The following FAM171B variants were observed in gnomAD, a reference collection of about 807,000 sequenced individuals.
FAM171B encodes family with sequence similarity 171 member B, also known as protein FAM171B.
FAM171B carries 19 observed loss-of-function variants against 75.6 expected under a neutral mutation model. That is an observed-to-expected ratio of 0.25 (90% confidence interval 0.18 to 0.37). The LOEUF (loss-of-function observed/expected upper bound fraction) is 0.37, where lower values mean the gene tolerates loss of function less well. Ranked by LOEUF, FAM171B falls within the 10% of genes least tolerant of loss-of-function variation. FAM171B has a pLI of 1.00. For synonymous variants in FAM171B, 367 were observed against 361.7 expected (o/e 1.01, Z -0.17); for missense variants, 848 against 982.4 (o/e 0.86, Z 1.83).
intron 1 of FAM171B, among the ~76,000 whole-genome samples, chr2:186,714,036 C>G (rs148409392): frequency 7.1e-4 from 108 of 152,212 alleles, no homozygotes; most frequent in African/African-American, 2.4e-3. Flanking sequence ...TTTTACAGCT[C>G]TCTTTTTCCT....
At chr2:186,702,211 C>T (rs1263644578) in intron 1 of FAM171B, among the ~76,000 whole-genome samples, 1 of 152,178 alleles carries the variant, frequency 6.6e-6, no homozygotes, top group Non-Finnish European at 1.5e-5. Flanking sequence ...CACGCCTATT[C>T]TGTATAGCAT....
intron 1 of FAM171B, among the ~76,000 whole-genome samples, chr2:186,704,797 AG>A (rs1689711725): frequency 6.6e-6 from 1 of 152,242 alleles, no homozygotes; most frequent in South Asian, 2.1e-4. Flanking sequence ...GCATCGATAA[AG>A]CTTGGCAAAT....
chr2:186,746,035 TTTCTA>T (rs1404688907), intron 3 of FAM171B, among the ~76,000 whole-genome samples: 1 of 152,224 alleles, frequency 6.6e-6, no homozygotes, highest in Non-Finnish European at 1.5e-5. Context: ...ACTGATGTCT[TTTCTA>T]TTCTAATAAT....
In FAM171B at chr2:186,694,268, C is replaced by T. The variant is rs1330711740; in HGVS notation, c.95C>T (p.Ala32Val). ...KARLVPAAAR[A>V]ELSRSDLSLI... The stretch of plus-strand genomic sequence containing the variant: ...CGGCTGGTCCCCGCGGCCGCCAGAG[C>T]GGAACTCAGCCGCTCCGACCTCAGC... The change falls in exon 1 of 8, where the codon GCG (alanine) becomes GTG (valine). Residue 32 changes from alanine to valine, a missense_variant. Ala to Val is a moderately conservative substitution (Grantham distance 64, BLOSUM62 0). Coordinates refer to ENST00000304698, the MANE Select transcript of FAM171B (RefSeq NM_177454.4). 3.1e-6 allele frequency: 5 copies of T among 1,611,564 alleles called. No individual in the cohort carries two copies. The highest frequency in any genetic ancestry group is 1.3e-5 in the African/African-American group (1 of 74,906).
rs367772055 is a variant in FAM171B at position 186,703,160 on chromosome 2, A to T, written c.238+8749A>T. Reference sequence around the variant, plus strand: ...AGTGGTGCAGTCTCAGCTCACTGCAACCTCTGCCTCCTGGGTTCAAGCGAT... The same window carrying T: ...AGTGGTGCAGTCTCAGCTCACTGCATCCTCTGCCTCCTGGGTTCAAGCGAT... On this transcript the variant is annotated intron_variant, in intron 1 of 7. Coordinates refer to ENST00000304698, the MANE Select transcript of FAM171B (RefSeq NM_177454.4). 1.8e-4 allele frequency among the ~76,000 whole-genome samples: 28 copies of T among 151,718 alleles called. No individual in the cohort carries two copies. In the East Asian group the frequency reaches 5.3e-3, roughly 28 times the overall value.
intron 3 of FAM171B, among the ~76,000 whole-genome samples, chr2:186,744,701 A>G (rs1240622628): frequency 6.6e-6 from 1 of 151,490 alleles, no homozygotes; most frequent in Non-Finnish European, 1.5e-5. Context: ...CTAGTTTTGT[A>G]TTTTTAGTAG....
intron 1 of FAM171B, among the ~76,000 whole-genome samples, chr2:186,704,859 A>AG (rs140563616): frequency 0.012 from 1,836 of 152,328 alleles, 40 homozygotes; most frequent in African/African-American, 0.042. Flanking sequence ...AAGAGAAGAG[A>AG]GAGGGAGTCA....
At chr2:186,724,688 G>C (rs1449798774) in intron 1 of FAM171B, among the ~76,000 whole-genome samples, 1 of 152,138 alleles carries the variant, frequency 6.6e-6, no homozygotes, top group African/African-American at 2.4e-5. Context: ...GAAAGTGAGG[G>C]AGTATGCCAT....
chr2:186,710,682 T>C (rs769018361), intron 1 of FAM171B, among the ~76,000 whole-genome samples: 2 of 152,192 alleles, frequency 1.3e-5, no homozygotes, highest in Non-Finnish European at 2.9e-5. Flanking sequence ...TGCTGAAACA[T>C]TGTTGTCTTT....
intron 1 of FAM171B, among the ~76,000 whole-genome samples, chr2:186,739,336 C>T (rs1284385907): frequency 1.3e-5 from 2 of 152,040 alleles, no homozygotes; most frequent in African/African-American, 4.8e-5. Context: ...AATAAGTTAA[C>T]CTTAGCTTAC....
At chr2:186,725,272 A>G (rs148020570) in intron 1 of FAM171B, among the ~76,000 whole-genome samples, 3,323 of 149,536 alleles carry the variant, frequency 0.022, 112 homozygotes, top group Admixed American at 0.078. Context: ...TTAACCCGGG[A>G]GGCGGAGCTT....
chr2:186,740,491 G>GTT, intron 2 of FAM171B, 30 bp downstream of exon 2: 1 of 1,543,338 alleles, frequency 6.5e-7, no homozygotes. Flanking sequence ...TTTTTTGTTT[G>GTT]TTTTTGCTAA....
intron 1 of FAM171B, among the ~76,000 whole-genome samples, chr2:186,696,997 TGGATGGAC>T (rs72395485): frequency 0.5 from 68,436 of 137,322 alleles, 16,227 homozygotes; most frequent in South Asian, 0.63. Context: ...ATTTGTTGAA[TGGATGGAC>T]GGATGGATGG....
chr2:186,733,837 C>A (rs1035616104), intron 1 of FAM171B, among the ~76,000 whole-genome samples: 2 of 152,142 alleles, frequency 1.3e-5, no homozygotes, highest in Admixed American at 1.3e-4. Context: ...CACCCGGGAG[C>A]TTGGAGATTC....
chr2:186,762,780 T>C lies in FAM171B; in HGVS notation c.2438T>C (p.Ile813Thr). The change falls in exon 8 of 8, where the codon ATC becomes ACC. Residue 813 changes from isoleucine to threonine, a missense_variant. Ile to Thr is a moderately conservative substitution (Grantham distance 89). Transcript: ENST00000304698. This position sits in a 1 kb window ranked among gnomAD's most constrained non-coding sequence, Gnocchi z 4.0. Reference protein sequence around the residue: ...PLAKRDSKTNIWKKREERPLI... With the variant: ...PLAKRDSKTNTWKKREERPLI... ...GCCAAAAGAGATAGCAAGACTAACA[T>C]CTGGAAGAAGCGAGAGGAACGCCCA... The C allele has an allele frequency of 6.2e-7, 1 of 1,612,986 alleles. No individual in the cohort carries two copies. Among genetic ancestry groups the C allele is most frequent in the South Asian group, 1.1e-5 (1 of 91,030 alleles).
chr2:186,754,115 C>A, intron 6 of FAM171B, 66 bp downstream of exon 6: 2 of 1,218,530 alleles, frequency 1.6e-6, no homozygotes, highest in South Asian at 1.4e-5. Flanking sequence ...CGGATAGCAG[C>A]AGACCTCAGT....
At chr2:186,732,734 C>T (rs756226485) in intron 1 of FAM171B, among the ~76,000 whole-genome samples, 79 of 152,296 alleles carry the variant, frequency 5.2e-4, no homozygotes, top group African/African-American at 7.5e-4. Context: ...CACTTGGGAG[C>T]GGCTGCATGT....
At position 186,761,485 on chromosome 2, in the gene FAM171B, G is replaced by A. The variant is rs376442063; in HGVS notation, c.1143G>A (p.Lys381=). 1.7e-5 allele frequency: 27 copies of A among 1,568,442 alleles called. No homozygotes were observed. The African/African-American group carries it at 3.7e-4, about 22-fold the overall frequency. ...GCCTTCTCTTCTACTCTAGGGACAAGTGTGGTACTCCACAGAAAAGAGAAA... is the reference window on the plus strand; with the variant it reads ...GCCTTCTCTTCTACTCTAGGGACAAATGTGGTACTCCACAGAAAAGAGAAA... The part of the protein sequence containing the change: ...FAVLLCYCRD[K]CGTPQKRERN... Residue 381 remains lysine (K), a synonymous_variant, in exon 8 of 8, where the codon AAG becomes AAA. Transcript: ENST00000304698.
At chr2:186,732,796 A>G (rs1690138481) in intron 1 of FAM171B, among the ~76,000 whole-genome samples, 1 of 152,066 alleles carries the variant, frequency 6.6e-6, no homozygotes, top group South Asian at 2.1e-4. Flanking sequence ...ATTTTCCCTT[A>G]CCAGTTAAGT....
Sources: allele counts gnomAD v4.1 joint callset (sites outside exome capture counted in the v4.1 genomes callset), GRCh38; gene constraint gnomAD v4.1.1; non-coding constraint Gnocchi (gnomAD v3.1); transcripts MANE v1.5; gene names NCBI Gene and HGNC (gene_info 2026-07-23, HGNC 2026-07-21).